COLEC12: variants seen among roughly 807,000 people sequenced by gnomAD.
COLEC12 encodes collectin-12.
Under a neutral mutation model 71.1 loss-of-function variants are expected in COLEC12, and 33 were observed. The observed-to-expected ratio is 0.46, with a 90% CI of 0.35 to 0.62. The LOEUF (loss-of-function observed/expected upper bound fraction) is 0.62. Ranked by LOEUF, COLEC12 falls within the 20% of genes least tolerant of loss-of-function variation. The pLI is 0.00. For synonymous variants in COLEC12, 350 were observed against 353.0 expected (o/e 0.99, Z 0.10); for missense variants, 765 against 916.1 (o/e 0.84, Z 2.13).
chr18:335,740 G>C (rs969248358), intron 5 of COLEC12, among the ~76,000 whole-genome samples: 1 of 152,232 alleles, frequency 6.6e-6, no homozygotes, highest in African/African-American at 2.4e-5. Flanking sequence ...TCCGTGTACT[G>C]TGTACTGTGT....
At chr18:422,728 T>C (rs573887395) in intron 2 of COLEC12, among the ~76,000 whole-genome samples, 9 of 152,294 alleles carry the variant, frequency 5.9e-5, no homozygotes, top group African/African-American at 2.2e-4. Flanking sequence ...AACCTATGCA[T>C]TACATTCTAA....
chr18:420,991 A>G (rs148821162), intron 2 of COLEC12, among the ~76,000 whole-genome samples: 198 of 152,296 alleles, frequency 1.3e-3, no homozygotes, highest in Middle Eastern at 6.8e-3. Flanking sequence ...GACCTATCGG[A>G]AATTATTCAA....
rs151097270 is a variant in COLEC12 at position 397,475 on chromosome 18, A to G, written c.59-39953T>C. Among the ~76,000 whole-genome samples, 63 of 152,276 alleles carry G rather than the reference A, an allele frequency of 4.1e-4. No homozygotes were observed. The East Asian group carries it at 0.011, about 26-fold the overall frequency. The stretch of plus-strand genomic sequence containing the variant: ...GATTTTTCATCCCTGTGTCCTAGTT[A>G]GATTTTTATAATTTTGAAGGGTTTT... On this transcript the variant is annotated intron_variant, in intron 2 of 9. Transcript: ENST00000400256.
intron 2 of COLEC12, among the ~76,000 whole-genome samples, chr18:361,564 T>C (rs903436155): frequency 2.0e-5 from 3 of 151,840 alleles, no homozygotes; most frequent in Non-Finnish European, 4.4e-5. Context: ...ACACCCACAC[T>C]CTCCCCAGCC....
intron 8 of COLEC12, among the ~76,000 whole-genome samples, chr18:328,238 C>A (rs1390014594): frequency 2.0e-5 from 3 of 152,094 alleles, no homozygotes; most frequent in Non-Finnish European, 2.9e-5. Flanking sequence ...TCACTGCTGG[C>A]GGCAGGGGAA....
In COLEC12 at chr18:321,826, T is replaced by C; in HGVS notation, c.2064-19A>G. 1 of 1,612,136 alleles carries C rather than the reference T, an allele frequency of 6.2e-7. No homozygotes were observed. The highest frequency in any genetic ancestry group is 8.5e-7 in the Non-Finnish European group (1 of 1,179,166). ...CCAATTTCTTTTAGCAAAACAGAAATTGAATGTTATTTGCACAGTAATGCA... is the reference window on the plus strand; with the variant it reads ...CCAATTTCTTTTAGCAAAACAGAAACTGAATGTTATTTGCACAGTAATGCA... On this transcript the variant is annotated intron_variant, in intron 8 of 9. Coordinates refer to ENST00000400256, the MANE Select transcript of COLEC12 (RefSeq NM_130386.3).
At chr18:341,111 T>A (rs1914242552) in intron 5 of COLEC12, among the ~76,000 whole-genome samples, 1 of 152,152 alleles carries the variant, frequency 6.6e-6, no homozygotes. Flanking sequence ...ACCTTTCAAG[T>A]TTCAGCTGAA....
chr18:376,788 G>C (rs1915124305), intron 2 of COLEC12, among the ~76,000 whole-genome samples: 1 of 152,196 alleles, frequency 6.6e-6, no homozygotes, highest in Non-Finnish European at 1.5e-5. Context: ...CTAAGGATTA[G>C]AGTAAGGCAA....
chr18:329,253 TG>T (rs1222486794), intron 8 of COLEC12, among the ~76,000 whole-genome samples: 1 of 152,214 alleles, frequency 6.6e-6, no homozygotes, highest in Non-Finnish European at 1.5e-5. Flanking sequence ...CCATTCCATA[TG>T]GGCCAATCCA....
chr18:409,846 G>C (rs184699307), intron 2 of COLEC12, among the ~76,000 whole-genome samples: 28 of 152,286 alleles, frequency 1.8e-4, no homozygotes, highest in African/African-American at 6.5e-4. Flanking sequence ...GAGTTGCATG[G>C]ATTTCCTAGG....
chr18:370,388 T>C (rs1209553238), intron 2 of COLEC12, among the ~76,000 whole-genome samples: 1 of 152,196 alleles, frequency 6.6e-6, no homozygotes, highest in African/African-American at 2.4e-5. Flanking sequence ...AGTTGTAAAC[T>C]GGTTAAACGG....
chr18:321,860 C>G, intron 8 of COLEC12, 53 bp from the exon 9 acceptor site: 1 of 1,547,912 alleles, frequency 6.5e-7, no homozygotes. Context: ...CAGAGCTTTT[C>G]TTTACTCAAG....
At chr18:455,848 A>G (rs1371970550) in intron 2 of COLEC12, among the ~76,000 whole-genome samples, 1 of 152,138 alleles carries the variant, frequency 6.6e-6, no homozygotes, top group Non-Finnish European at 1.5e-5. Context: ...ACGGCTGCAT[A>G]GTATTCTGTG....
intron 8 of COLEC12, 74 bp downstream of exon 8, chr18:331,594 T>C (rs1048350028): frequency 9.4e-6 from 9 of 957,720 alleles, no homozygotes; most frequent in East Asian, 2.4e-5. Context: ...GAAGAAACTG[T>C]TGGGAGTCGG....
In COLEC12 at chr18:335,210, G is replaced by A. The variant is rs770491555; in HGVS notation, c.1348C>T (p.Pro450Ser). 6.2e-7 allele frequency: 1 copy of A among 1,602,878 alleles called. No individual in the cohort carries two copies. The highest frequency in any genetic ancestry group is 8.5e-7 in the Non-Finnish European group (1 of 1,176,660). ...CCCTGGGATCCTCTGTCACCTCTTG[G>A]ACCCCTGGGGCCCGGTGGACCTAAA... ...ILQGPPGPRG[P>S]RGDRGSQGPP... Residue 450 changes from proline to serine, a missense_variant, in exon 6 of 10, where the codon CCA becomes TCA. Pro to Ser is a moderately conservative substitution (Grantham distance 74). Coordinates refer to ENST00000400256, the MANE Select transcript of COLEC12 (RefSeq NM_130386.3).
At chr18:387,733 A>C (rs1915376059) in intron 2 of COLEC12, among the ~76,000 whole-genome samples, 1 of 152,236 alleles carries the variant, frequency 6.6e-6, no homozygotes, top group African/African-American at 2.4e-5. Flanking sequence ...TGTTGAGAGA[A>C]TTTAAAGTTA....
At chr18:388,914 C>G (rs1915401651) in intron 2 of COLEC12, among the ~76,000 whole-genome samples, 1 of 152,176 alleles carries the variant, frequency 6.6e-6, no homozygotes, top group Non-Finnish European at 1.5e-5. Context: ...AGTGTGCTCA[C>G]ATGGTGCCCT....
At chr18:397,667 C>T (rs906351920) in intron 2 of COLEC12, among the ~76,000 whole-genome samples, 8 of 152,100 alleles carry the variant, frequency 5.3e-5, no homozygotes, top group African/African-American at 1.4e-4. Context: ...TATCTTTAAC[C>T]CATGGTTTCT....
At position 319,335 on chromosome 18, in the gene COLEC12, A is replaced by ATATATATATAT. The variant is rs1354755711; in HGVS notation, c.*709_*710insATATATATATA. 19 of 41,986 alleles carry ATATATATATAT rather than the reference A, an allele frequency of 4.5e-4. No homozygotes were observed. The highest frequency in any genetic ancestry group is 1.1e-3 in the Non-Finnish European group (17 of 14,794). 2.6% of individuals were successfully genotyped at this position (41,986 alleles called of 1,614,324 possible). On this transcript the variant is annotated 3_prime_UTR_variant, in exon 10 of 10. Coordinates refer to ENST00000400256, the MANE Select transcript of COLEC12 (RefSeq NM_130386.3). ...AAATGAAACATTAAAAAAAAAAAAAAAAAAAAATATATATATATATATATA... is the reference window on the plus strand; with the variant it reads ...AAATGAAACATTAAAAAAAAAAAAAATATATATATATAAAAAAATATATATATATATATATA...
Sources: gnomAD v4.1 joint callset for allele counts (sites outside exome capture counted in the v4.1 genomes callset) on GRCh38, gnomAD v4.1.1 for gene constraint, MANE v1.5 for transcripts, NCBI Gene and HGNC (gene_info 2026-07-23, HGNC 2026-07-21) for gene names.